The following SLC5A10 variants were observed in gnomAD, a reference collection of about 807,000 sequenced individuals.
The protein encoded by SLC5A10 is solute carrier family 5 member 10.
A neutral mutation model predicts 68.9 loss-of-function variants in SLC5A10; 55 were observed. The ratio of observed to expected loss-of-function variants is 0.80; its 90% CI spans 0.64 to 1.00. The LOEUF is 1.00. SLC5A10 is among the 50% of genes least tolerant of loss of function. The probability of loss-of-function intolerance (pLI) is 0.00; values close to 1 mark genes in which losing one functional copy is unlikely to be tolerated. For missense variants in SLC5A10, 732 were observed against 819.3 expected (o/e 0.89, Z 1.30); for synonymous variants, 344 against 344.8 (o/e 1.00, Z 0.02).
intron 1 of SLC5A10, among the ~76,000 whole-genome samples, chr17:18,957,975 T>C (rs1597813091): frequency 6.6e-6 from 1 of 152,374 alleles, no homozygotes; most frequent in East Asian, 1.9e-4. Flanking sequence ...AATGGAATCA[T>C]ACAATTCGTG....
In SLC5A10 at chr17:19,017,099, C is replaced by G. The variant is rs895707228; in HGVS notation, c.1241+1900C>G. On this transcript the variant is annotated intron_variant, in intron 11 of 14. Coordinates refer to ENST00000395645, the MANE Select transcript of SLC5A10 (RefSeq NM_001042450.4). This position sits in a 1 kb window ranked among gnomAD's most constrained non-coding sequence, Gnocchi z 5.6. ...CCCACCTCTTCTGCCAAGTCAACCC[C>G]CGCCCCTAGCCCTGCAAGCCTGGCA... Among the ~76,000 whole-genome samples, 1 of 152,228 alleles carries G rather than the reference C, an allele frequency of 6.6e-6. No homozygotes were observed. Among genetic ancestry groups the G allele is most frequent in the Non-Finnish European group, 1.5e-5 (1 of 68,038 alleles).
At position 18,983,078 on chromosome 17, in the gene SLC5A10, A is replaced by C. The variant is rs114451041; in HGVS notation, c.982+6089A>C. Among the ~76,000 whole-genome samples, 293 of 152,322 alleles carry C rather than the reference A, an allele frequency of 1.9e-3. 2 individuals carry two copies. Among genetic ancestry groups the C allele is most frequent in the African/African-American group, 6.6e-3 (276 of 41,568 alleles). The stretch of plus-strand genomic sequence containing the variant: ...ACCACAAAACATCCAGGAGGGATGG[A>C]CTGCCCAGGGAGGCCAGGACTGTCA... On this transcript the variant is annotated intron_variant, in intron 9 of 14. Transcript: ENST00000395645.
chr17:18,963,926 T>C (rs910255859), intron 5 of SLC5A10, among the ~76,000 whole-genome samples: 1 of 152,118 alleles, frequency 6.6e-6, no homozygotes, highest in Admixed American at 6.6e-5. Context: ...ACCTCACCCC[T>C]CCCTCGCCCT....
At position 19,003,404 on chromosome 17, in the gene SLC5A10, C is replaced by A; in HGVS notation, c.983-10006C>A. 1 of 1,145,142 alleles carries A rather than the reference C, an allele frequency of 8.7e-7. No individual in the cohort carries two copies. Among genetic ancestry groups the A allele is most frequent in the African/African-American group, 1.6e-5 (1 of 61,942 alleles). The allele number at this position is 1,145,142 out of a possible 1,614,324, so 70.9% of individuals were successfully genotyped here. A position where few individuals can be genotyped will look rare whatever the true frequency, so the allele number is the denominator to read the frequency against. Reference sequence around the variant, plus strand: ...CCCAAGAGGCAGCCAGGGAAAACAGCAGAGATCCCTAGAAGCCCATGTTGG... The same window carrying A: ...CCCAAGAGGCAGCCAGGGAAAACAGAAGAGATCCCTAGAAGCCCATGTTGG... On this transcript the variant is annotated intron_variant, in intron 9 of 14. Coordinates refer to ENST00000395645, the MANE Select transcript of SLC5A10 (RefSeq NM_001042450.4). The surrounding 1 kb of genome is among the most constrained non-coding windows in gnomAD (Gnocchi z 4.5).
At chr17:18,995,557 T>TA (rs772677890) in intron 9 of SLC5A10, among the ~76,000 whole-genome samples, 172 of 152,078 alleles carry the variant, frequency 1.1e-3, no homozygotes, top group Non-Finnish European at 2.0e-3. Context: ...AGCGAGAGAC[T>TA]AAAAAAATAA....
At chr17:19,008,102 G>A (rs1259647677) in intron 9 of SLC5A10, among the ~76,000 whole-genome samples, 3 of 152,210 alleles carry the variant, frequency 2.0e-5, no homozygotes, top group Non-Finnish European at 4.4e-5. Context: ...TCCTAGATCT[G>A]TAGCAAGTTA....
chr17:19,019,447 C>G lies in SLC5A10; in HGVS notation c.1266C>G (p.Gly422=). Residue 422 remains glycine (G), a synonymous_variant, in exon 12 of 15, where the codon GGC becomes GGG. Coordinates refer to ENST00000395645, the MANE Select transcript of SLC5A10 (RefSeq NM_001042450.4). The part of the protein sequence containing the change: ...VGRLVIVALI[G]VSVAWIPVLQ... ...GGCTGGTCATAGTGGCACTCATCGG[C>G]GTGAGTGTGGCCTGGATCCCCGTCC... is the stretch of plus-strand genomic sequence containing the variant. 6.2e-7 allele frequency: 1 copy of G among 1,611,314 alleles called. No homozygotes were observed.
rs997179972 is a variant in SLC5A10, at chr17:18,968,244, T to C, written c.454-808T>C. Among the ~76,000 whole-genome samples, 1 of 152,190 alleles carries C rather than the reference T, an allele frequency of 6.6e-6. No individual in the cohort carries two copies. The highest frequency in any genetic ancestry group is 2.4e-5 in the African/African-American group (1 of 41,440). On this transcript the variant is annotated intron_variant, in intron 5 of 14. Transcript: ENST00000395645. The surrounding 1 kb of genome is among the most constrained non-coding windows in gnomAD (Gnocchi z 4.1). ...CTGGCCCCTGAGGCTGTGTGTTGGG[T>C]CATCTCGCATCTCCTGAGTCAAAGC...
At position 19,003,390 on chromosome 17, in the gene SLC5A10, G is replaced by T; in HGVS notation, c.983-10020G>T. ...GGAGGAAACCTCCACCCAAGAGGCAGCCAGGGAAAACAGCAGAGATCCCTA... is the reference window on the plus strand; with the variant it reads ...GGAGGAAACCTCCACCCAAGAGGCATCCAGGGAAAACAGCAGAGATCCCTA... On this transcript the variant is annotated intron_variant, in intron 9 of 14. Coordinates refer to ENST00000395645, the MANE Select transcript of SLC5A10 (RefSeq NM_001042450.4). The surrounding 1 kb of genome is among the most constrained non-coding windows in gnomAD (Gnocchi z 4.5). The T allele has an allele frequency of 2.0e-6, 2 of 1,016,530 alleles. No homozygotes were observed. Among genetic ancestry groups the T allele is most frequent in the Non-Finnish European group, 2.6e-6 (2 of 758,528 alleles). The allele number at this position is 1,016,530 out of a possible 1,614,324, so 63.0% of individuals were successfully genotyped here. A position where few individuals can be genotyped will look rare whatever the true frequency, so the allele number is the denominator to read the frequency against.
intron 9 of SLC5A10, chr17:18,978,238 A>G: frequency 6.3e-7 from 1 of 1,589,046 alleles, no homozygotes; most frequent in Non-Finnish European, 8.6e-7. Flanking sequence ...GCTCTGGGGG[A>G]GGGCAAGGCT....
chr17:18,961,385 G>A (rs1185538534), intron 5 of SLC5A10, among the ~76,000 whole-genome samples: 2 of 152,092 alleles, frequency 1.3e-5, no homozygotes, highest in Non-Finnish European at 2.9e-5. Flanking sequence ...TGAGAGAGCT[G>A]ACACTAGCCC....
chr17:18,969,153 C>CACA lies in SLC5A10; in HGVS notation c.555_556insACA (p.Ile185_Ala186insThr). ...TCGGCATCACAGCCCTGTACACCAT[C>CACA]GCAGGTATGGTGCCTGCAGCAGGGA... On this transcript the variant is annotated inframe_insertion, in exon 6 of 15. Coordinates refer to ENST00000395645, the MANE Select transcript of SLC5A10 (RefSeq NM_001042450.4). 1 of 1,613,580 alleles carries CACA rather than the reference C, an allele frequency of 6.2e-7. No homozygotes were observed. The highest frequency in any genetic ancestry group is 8.5e-7 in the Non-Finnish European group (1 of 1,179,710).
intron 1 of SLC5A10, among the ~76,000 whole-genome samples, chr17:18,955,699 TA>T (rs2042484042): frequency 6.6e-6 from 1 of 152,250 alleles, no homozygotes; most frequent in South Asian, 2.1e-4. Flanking sequence ...ATGCTGCCTT[TA>T]GTACAGCAAG....
chr17:18,981,463 G>C (rs2043131073), intron 9 of SLC5A10, among the ~76,000 whole-genome samples: 1 of 152,180 alleles, frequency 6.6e-6, no homozygotes. Context: ...ATGGGGTTGG[G>C]TGTGTATCTC....
In SLC5A10 at chr17:18,971,122, G is replaced by C; in HGVS notation, c.750G>C (p.Met250Ile). The C allele has an allele frequency of 6.2e-7, 1 of 1,614,110 alleles. No homozygotes were observed. Among genetic ancestry groups the C allele is most frequent in the Non-Finnish European group, 8.5e-7 (1 of 1,180,040 alleles). Residue 250 changes from methionine (M) to isoleucine (I), a missense_variant, in exon 8 of 15, where the codon ATG (methionine) becomes ATC (isoleucine). Transcript: ENST00000395645. The surrounding 1 kb of genome is among the most constrained non-coding windows in gnomAD (Gnocchi z 5.5). The stretch of plus-strand genomic sequence containing the variant: ...GCCACCTGCCACGTACAGACGCCAT[G>C]CACATGTTTCGAGACCCCCACACAG... Reference protein sequence around the residue: ...TTCHLPRTDAMHMFRDPHTGD... With the variant: ...TTCHLPRTDAIHMFRDPHTGD...
At position 18,959,208 on chromosome 17, in the gene SLC5A10, G is replaced by A. The variant is rs1443969619; in HGVS notation, c.257G>A (p.Gly86Glu). 6.2e-7 allele frequency: 1 copy of A among 1,613,466 alleles called. No homozygotes were observed. The stretch of plus-strand genomic sequence containing the variant: ...GGACTGGCGGGCTCAGGCGCGGCAG[G>A]AGGTCTGGCCGTGGCAGGCTTCGAG... ...FIGLAGSGAA[G>E]GLAVAGFEWN... The change falls in exon 3 of 15, where the codon GGA (glycine) becomes GAA (glutamate). Residue 86 changes from glycine to glutamate, a missense_variant. By Grantham distance (98) the Gly-to-Glu change is moderately conservative. Transcript: ENST00000395645.
At chr17:18,992,321 G>A (rs950392534) in intron 9 of SLC5A10, among the ~76,000 whole-genome samples, 5 of 152,248 alleles carry the variant, frequency 3.3e-5, no homozygotes, top group Middle Eastern at 3.4e-3. Context: ...AGCTGGGAGA[G>A]GGGAGGGCAC....
At chr17:18,969,484 C>A in intron 7 of SLC5A10, 62 bp downstream of exon 7, 2 of 1,435,896 alleles carry the variant, frequency 1.4e-6, no homozygotes, top group Non-Finnish European at 1.9e-6. Flanking sequence ...TGGAGTCTGG[C>A]ACTGCCCGGC....
At position 18,960,579 on chromosome 17, in the gene SLC5A10, G is replaced by T. The variant is rs773817698; in HGVS notation, c.380G>T (p.Arg127Leu). Residue 127 changes from arginine to leucine, a missense_variant, in exon 5 of 15, where the codon CGC becomes CTC. By Grantham distance (102) the Arg-to-Leu change is moderately radical. Transcript: ENST00000395645. ...ACCTTACCTGAGTACATTCAGAAGCGCTACGGGGGCCAGCGGATCCGCATG... is the reference window on the plus strand; with the variant it reads ...ACCTTACCTGAGTACATTCAGAAGCTCTACGGGGGCCAGCGGATCCGCATG... ...IVTLPEYIQK[R>L]YGGQRIRMYL... 6 of 1,614,124 alleles carry T rather than the reference G, an allele frequency of 3.7e-6. No homozygotes were observed. Among genetic ancestry groups the T allele is most frequent in the Non-Finnish European group, 5.1e-6 (6 of 1,179,988 alleles).
Sources: gnomAD v4.1 joint callset for allele counts (sites outside exome capture counted in the v4.1 genomes callset) on GRCh38, gnomAD v4.1.1 for gene constraint, Gnocchi (gnomAD v3.1) non-coding constraint, MANE v1.5 for transcripts, NCBI Gene and HGNC (gene_info 2026-07-23, HGNC 2026-07-21) for gene names.